Variants in UBR7 observed in about 807,000 individuals in gnomAD.
The protein encoded by UBR7 is ubiquitin protein ligase E3 component n-recognin 7.
A neutral mutation model predicts 57.0 loss-of-function variants in UBR7; 22 were observed. The ratio of observed to expected loss-of-function variants is 0.39; its 90% CI spans 0.28 to 0.55. The LOEUF is 0.55. Among genes scored for constraint, UBR7 ranks in the 20% least tolerant of loss-of-function variants. The pLI is 0.69. For missense variants in UBR7, 395 were observed against 513.2 expected, an observed-to-expected ratio of 0.77 and a Z score of 2.23; for synonymous variants, 167 against 179.8, an observed-to-expected ratio of 0.93 and a Z score of 0.57.
chr14:93,223,649 G>A, intron 10 of UBR7: 1 of 1,383,632 alleles, frequency 7.2e-7, no homozygotes, highest in Non-Finnish European at 1.0e-6. Flanking sequence ...TGGGCTGACG[G>A]GCAGGACCCG....
chr14:93,212,268 T>A (rs530998358), intron 4 of UBR7, 141 bp downstream of exon 4: 1 of 668,854 alleles, frequency 1.5e-6, no homozygotes, highest in South Asian at 1.6e-5. Context: ...TTCTTATGAA[T>A]CTGGGTTGGA....
At chr14:93,212,197 T>G (rs1483407840) in intron 4 of UBR7, 70 bp downstream of exon 4, 21 of 1,176,748 alleles carry the variant, frequency 1.8e-5, no homozygotes, top group East Asian at 1.8e-4. Flanking sequence ...GCTTGTCATA[T>G]CCGAGCCTCT....
Position 93,227,983 on chromosome 14 carries a change from C to T in UBR7, c.*948C>T, listed in dbSNP as rs558424777. The stretch of plus-strand genomic sequence containing the variant: ...CTGTTATGAAAATGTTATTAGAACC[C>T]CAATAAATTATTATTTTTCCCCCTT... On this transcript the variant is annotated 3_prime_UTR_variant, in exon 11 of 11. Coordinates refer to ENST00000013070, the MANE Select transcript of UBR7 (RefSeq NM_175748.4). The T allele has an allele frequency of 1.4e-6, 1 of 699,456 alleles. No homozygotes were observed. The highest frequency in any genetic ancestry group is 2.7e-5 in the East Asian group (1 of 37,284). The allele number at this position is 699,456 out of a possible 1,614,324, so 43.3% of individuals were successfully genotyped here.
In UBR7 at chr14:93,218,740, T is replaced by C. The variant is rs1894644223; in HGVS notation, c.810+5T>C. On this transcript the variant is annotated splice_donor_5th_base_variant and intron_variant, in intron 7 of 10. Transcript: ENST00000013070. ...AGTTCTGAATCTGATCTCCAGGTAATGTGTGAAGTACGAGCCATCAAGAAA... is the reference window on the plus strand; with the variant it reads ...AGTTCTGAATCTGATCTCCAGGTAACGTGTGAAGTACGAGCCATCAAGAAA... The C allele has an allele frequency of 6.2e-7, 1 of 1,612,344 alleles. No individual in the cohort carries two copies. Among genetic ancestry groups the C allele is most frequent in the African/African-American group, 1.3e-5 (1 of 74,886 alleles).
chr14:93,208,163 C>G (rs1028456884), intron 1 of UBR7, among the ~76,000 whole-genome samples: 3 of 151,974 alleles, frequency 2.0e-5, no homozygotes, highest in African/African-American at 7.3e-5. Flanking sequence ...GTGACTCACC[C>G]TACACTTCGA....
chr14:93,224,481 T>C (rs896196980), intron 10 of UBR7, among the ~76,000 whole-genome samples: 19 of 150,916 alleles, frequency 1.3e-4, no homozygotes, highest in Admixed American at 9.9e-4. Flanking sequence ...CAGGTTCATG[T>C]CATTCTCCTG....
chr14:93,214,833 A>G (rs1411332769), intron 4 of UBR7, 96 bp from the exon 5 acceptor site: 3 of 1,111,852 alleles, frequency 2.7e-6, no homozygotes, highest in Non-Finnish European at 4.1e-6. Context: ...CAGTTCATGT[A>G]GAACAAATAT....
chr14:93,212,953 C>T (rs940885174), intron 4 of UBR7, among the ~76,000 whole-genome samples: 3 of 152,048 alleles, frequency 2.0e-5, no homozygotes, highest in Non-Finnish European at 4.4e-5. Context: ...GTATAATTGA[C>T]GGATCAAAGT....
Position 93,218,613 on chromosome 14 carries a change from G to A in UBR7, c.688G>A (p.Glu230Lys), listed in dbSNP as rs775411812. 6.2e-7 allele frequency: 1 copy of A among 1,614,120 alleles called. No individual in the cohort carries two copies. Residue 230 changes from glutamate to lysine, a missense_variant, in exon 7 of 11, where the codon GAG (glutamate) becomes AAG (lysine). Coordinates refer to ENST00000013070, the MANE Select transcript of UBR7 (RefSeq NM_175748.4). ...DQEVIKPENG[E>K]HQDSTLKEDV... is the part of the protein sequence containing the mutation. ...GGAAGTTATCAAACCTGAAAATGGAGAGCATCAAGATAGTACCCTCAAAGA... is the reference window on the plus strand; with the variant it reads ...GGAAGTTATCAAACCTGAAAATGGAAAGCATCAAGATAGTACCCTCAAAGA...
At chr14:93,222,255 T>C (rs1894724309) in intron 9 of UBR7, 58 bp from the exon 10 acceptor site, 5 of 1,276,530 alleles carry the variant, frequency 3.9e-6, no homozygotes, top group Non-Finnish European at 5.7e-6. Context: ...AAAGAATATT[T>C]TGTTTTTGAA....
intron 6 of UBR7, among the ~76,000 whole-genome samples, chr14:93,215,711 G>T (rs970189866): frequency 7.6e-6 from 1 of 132,162 alleles, no homozygotes; most frequent in African/African-American, 3.0e-5. Context: ...AAAAAAAAAA[G>T]AATAGTATGT....
chr14:93,226,980 A>T lies in UBR7; in HGVS notation c.1223A>T (p.Glu408Val), dbSNP rs781522405. 5.0e-6 allele frequency: 8 copies of T among 1,613,192 alleles called. No individual in the cohort carries two copies. The Admixed American group carries it at 1.3e-4, about 27-fold the overall frequency. ...KREDIQQFFE[E>V]FQSKKRRRVD... ...GAGGACATTCAGCAGTTCTTTGAAG[A>T]GTTTCAGTCAAAAAAGAGAAGAAGA... Residue 408 changes from glutamate to valine, a missense_variant, in exon 11 of 11, where the codon GAG becomes GTG. Transcript: ENST00000013070.
chr14:93,213,300 A>G (rs1018316376), intron 4 of UBR7, among the ~76,000 whole-genome samples: 9 of 151,652 alleles, frequency 5.9e-5, no homozygotes, highest in South Asian at 4.2e-4. Flanking sequence ...AATGAAGAAT[A>G]GTATCTTTTT....
At position 93,220,140 on chromosome 14, in the gene UBR7, TA is replaced by T. The variant is rs530702234; in HGVS notation, c.961-102del. The T allele has an allele frequency of 2.3e-3, 2,610 of 1,151,880 alleles. 47 individuals carry two copies. In the African/African-American group the frequency reaches 0.034, roughly 15 times the overall value. 71.4% of individuals were successfully genotyped at this position (1,151,880 alleles called of 1,614,324 possible). A position where few individuals can be genotyped will look rare whatever the true frequency, so the allele number is the denominator to read the frequency against. ...GCTCCAGTTTTTCTAGGTCTTAATA[TA>T]AAAAAATTACATTTTTAGTGATTCT... On this transcript the variant is annotated intron_variant, in intron 8 of 10. Transcript: ENST00000013070.
chr14:93,224,667 T>G (rs772889987), intron 10 of UBR7, among the ~76,000 whole-genome samples: 198 of 152,228 alleles, frequency 1.3e-3, no homozygotes, highest in Middle Eastern at 0.01. Context: ...ATGAGCCACC[T>G]CGCCCGGCCT....
intron 10 of UBR7, among the ~76,000 whole-genome samples, chr14:93,223,430 G>T (rs1043601393): frequency 3.9e-4 from 59 of 151,460 alleles, no homozygotes; most frequent in African/African-American, 1.4e-3. Context: ...GGGCATGGCG[G>T]CTTGTACCTG....
chr14:93,207,301 G>T lies in UBR7; in HGVS notation c.10G>T (p.Ala4Ser), dbSNP rs781332457. 2.6e-6 allele frequency: 4 copies of T among 1,555,316 alleles called. No homozygotes were observed. The South Asian group carries it at 3.5e-5, about 14-fold the overall frequency. MAG[A>S]EGAAGRQSEL... ...CGGCTGACAGTTGAGGATGGCCGGA[G>T]CCGAGGGCGCCGCTGGGCGGCAGTC... Residue 4 changes from alanine to serine, a missense_variant, in exon 1 of 11, where the codon GCC (alanine) becomes TCC (serine). Coordinates refer to ENST00000013070, the MANE Select transcript of UBR7 (RefSeq NM_175748.4).
At chr14:93,226,599 G>A in intron 10 of UBR7, among the ~76,000 whole-genome samples, 1 of 152,086 alleles carries the variant, frequency 6.6e-6, no homozygotes, top group East Asian at 1.9e-4. Context: ...GACCATCCTG[G>A]CTAACACGGT....
In UBR7 at chr14:93,209,849, A is replaced by T; in HGVS notation, c.176A>T (p.Tyr59Phe). The stretch of plus-strand genomic sequence containing the variant: ...GGCTCAGTAAAGAGACAAGCACTAT[A>T]TGCCTGTAGTACCTGCACCCCAGAG... ...SQGSVKRQAL[Y>F]ACSTCTPEGE... The change falls in exon 2 of 11, where the codon TAT becomes TTT. Residue 59 changes from tyrosine to phenylalanine, a missense_variant. By Grantham distance (22) the Tyr-to-Phe change is conservative. Coordinates refer to ENST00000013070, the MANE Select transcript of UBR7 (RefSeq NM_175748.4). 6.2e-7 allele frequency: 1 copy of T among 1,613,992 alleles called. No homozygotes were observed. The highest frequency in any genetic ancestry group is 8.5e-7 in the Non-Finnish European group (1 of 1,179,920).
Sources: gnomAD v4.1 joint callset for allele counts (sites outside exome capture counted in the v4.1 genomes callset) on GRCh38, gnomAD v4.1.1 for gene constraint, MANE v1.5 for transcripts, NCBI Gene and HGNC (gene_info 2026-07-23, HGNC 2026-07-21) for gene names.